ZNF3: variants seen among roughly 807,000 people sequenced by gnomAD.
The protein encoded by ZNF3 is zinc finger protein 3, also known as C2-H2 type zinc finger protein.
ZNF3 carries 16 observed loss-of-function variants against 36.9 expected under a neutral mutation model. The observed-to-expected ratio is 0.43, with a 90% CI of 0.29 to 0.66. The LOEUF (loss-of-function observed/expected upper bound fraction) is 0.66, where lower values mean the gene tolerates loss of function less well. Among genes scored for constraint, ZNF3 ranks in the 30% least tolerant of loss-of-function variants. ZNF3 has a pLI of 0.13. For missense variants in ZNF3, 462 were observed against 543.1 expected (o/e 0.85, Z 1.48); for synonymous variants, 201 against 201.9 (o/e 1.00, Z 0.04).
chr7:100,075,652 C>T, intron 3 of ZNF3, 22 bp from the exon 4 acceptor site: 2 of 1,612,028 alleles, frequency 1.2e-6, no homozygotes, highest in Middle Eastern at 3.3e-4. Context: ...TAAAAGGGCC[C>T]AGGAATGAGT....
At chr7:100,075,035 A>T (rs1793842962) in intron 5 of ZNF3, 100 bp downstream of exon 5, 1 of 1,468,660 alleles carries the variant, frequency 6.8e-7, no homozygotes, top group Admixed American at 2.3e-5. Flanking sequence ...TCAAAAAAAA[A>T]ATCTGCTGAA....
intron 2 of ZNF3, chr7:100,078,770 A>G (rs1275047424): frequency 6.6e-6 from 1 of 152,192 alleles, no homozygotes; most frequent in Non-Finnish European, 1.5e-5. Flanking sequence ...TTGCTCACAT[A>G]GCAAATGTTT....
chr7:100,082,301 C>G (rs1414492963), upstream of ZNF3: 1 of 152,202 alleles, frequency 6.6e-6, no homozygotes, highest in Non-Finnish European at 1.5e-5. Context: ...GGAAGCTTAC[C>G]GGCCGGGCGC....
At chr7:100,082,099 C>T (rs1446250099), upstream of ZNF3, among the ~76,000 whole-genome samples, 1 of 152,196 alleles carries the variant, frequency 6.6e-6, no homozygotes, top group African/African-American at 2.4e-5. Context: ...AGTAAACATA[C>T]AATTATTGAA....
downstream of ZNF3, among the ~76,000 whole-genome samples, chr7:100,068,000 T>A (rs914793924): frequency 6.6e-6 from 1 of 152,200 alleles, no homozygotes; most frequent in Non-Finnish European, 1.5e-5. Flanking sequence ...AAACATACTA[T>A]GAAACTGTAG....
At chr7:100,063,852 G>A, downstream of ZNF3, 2 of 1,614,092 alleles carry the variant, frequency 1.2e-6, no homozygotes, top group South Asian at 1.1e-5. Context: ...AAGCAGAGGG[G>A]CTCAAAGGGG....
downstream of ZNF3, chr7:100,065,107 A>G (rs2116191748): frequency 9.2e-6 from 8 of 868,406 alleles, no homozygotes; most frequent in South Asian, 1.5e-4. Flanking sequence ...GGAGAAAACT[A>G]TTCCTACTGG....
intron 3 of ZNF3, among the ~76,000 whole-genome samples, chr7:100,076,777 C>T (rs1308023216): frequency 6.6e-6 from 1 of 152,122 alleles, no homozygotes; most frequent in Non-Finnish European, 1.5e-5. Flanking sequence ...GCGTGAGGTA[C>T]TCACAACCCC....
At chr7:100,064,622 C>G in exon 6 of ZNF3, 1 of 1,611,888 alleles carries the variant, frequency 6.2e-7, no homozygotes. Context: ...CCGTAACTTT[C>G]AAGCGCTCCT....
At chr7:100,077,220 G>C (rs1214709746) in intron 3 of ZNF3, 83 bp downstream of exon 3, 1 of 1,548,694 alleles carries the variant, frequency 6.5e-7, no homozygotes, top group Middle Eastern at 1.7e-4. Flanking sequence ...CTAGTAGTTA[G>C]CCTAGTACCT....
chr7:100,074,850 A>G (rs1348639879), intron 5 of ZNF3, among the ~76,000 whole-genome samples: 1 of 152,114 alleles, frequency 6.6e-6, no homozygotes, highest in African/African-American at 2.4e-5. Flanking sequence ...CCTGGCCAAC[A>G]TGGTGAAACC....
At chr7:100,080,475 A>G (rs1368082765) in intron 1 of ZNF3, among the ~76,000 whole-genome samples, 2 of 151,986 alleles carry the variant, frequency 1.3e-5, no homozygotes, top group African/African-American at 4.8e-5. Context: ...GCCGGGGGCA[A>G]CAGAGCAAGA....
At chr7:100,065,831 G>T (rs1792623226), downstream of ZNF3, among the ~76,000 whole-genome samples, 2 of 148,846 alleles carry the variant, frequency 1.3e-5, no homozygotes, top group Non-Finnish European at 3.0e-5. Context: ...GTTCCCACTG[G>T]GCCCACTGAG....
chr7:100,073,334 T>G (rs897580390), intron 5 of ZNF3, among the ~76,000 whole-genome samples: 3 of 152,094 alleles, frequency 2.0e-5, no homozygotes, highest in African/African-American at 7.2e-5. Context: ...GAGAAACTAA[T>G]TTATTAATCT....
At chr7:100,078,279 G>A (rs927189611) in intron 2 of ZNF3, among the ~76,000 whole-genome samples, 3 of 149,262 alleles carry the variant, frequency 2.0e-5, no homozygotes, top group Non-Finnish European at 3.0e-5. Flanking sequence ...GGCAAATCAC[G>A]AGGTCAGGAG....
Position 100,071,122 on chromosome 7 carries a change from G to A in ZNF3, c.*21C>T, listed in dbSNP as rs749236898. Reference sequence around the variant, plus strand: ...GCTCTTGAGACTCAGGGAAAGTGAGGAAAATGGGTGTGTGGCTCTTTCACG... The same window carrying A: ...GCTCTTGAGACTCAGGGAAAGTGAGAAAAATGGGTGTGTGGCTCTTTCACG... On this transcript the variant is annotated 3_prime_UTR_variant, in exon 6 of 6. Transcript: ENST00000299667. 1.9e-6 allele frequency: 3 copies of A among 1,552,958 alleles called. No homozygotes were observed. The highest frequency in any genetic ancestry group is 2.7e-5 in the African/African-American group (2 of 72,930).
rs373675497 is a variant in ZNF3 at position 100,064,762 on chromosome 7, A to G, written c.*26T>C. ...GGGATGCCTGAGGAGTGCGAGCTCC[A>G]CAGCAACATGGCAGGCAGGAGGTCC... On this transcript the variant is annotated 3_prime_UTR_variant, in exon 6 of 6. Coordinates refer to the ZNF3 transcript ENST00000413658. 50 of 1,614,124 alleles carry G rather than the reference A, an allele frequency of 3.1e-5. No individual in the cohort carries two copies. In the African/African-American group the frequency reaches 6.3e-4, roughly 20 times the overall value.
rs1013148250 is a variant in ZNF3, at chr7:100,070,060, C to T, written c.*1083G>A. ...GGGAAAACACAATGGAAGGTCATCC[C>T]GTCGGTTGGGAAAACTCGGGGAGTG... is the stretch of plus-strand genomic sequence containing the variant. On this transcript the variant is annotated 3_prime_UTR_variant, in exon 6 of 6. Transcript: ENST00000299667. 3 of 985,704 alleles carry T rather than the reference C, an allele frequency of 3.0e-6. No individual in the cohort carries two copies. The highest frequency in any genetic ancestry group is 6.2e-5 in the Admixed American group (1 of 16,254). The allele number at this position is 985,704 out of a possible 1,614,324, so 61.1% of individuals were successfully genotyped here.
Position 100,071,196 on chromosome 7 carries a change from T to A in ZNF3, c.1288A>T (p.Ser430Cys). ...GEKPLNGIGM[S>C]KSSLRVTTEL... is the part of the protein sequence containing the mutation. ...GTCGTAACTCTGAGGGAGCTTTTGC[T>A]CATGCCGATCCCATTCAAAGGCTTC... is the stretch of plus-strand genomic sequence containing the variant. Residue 430 changes from serine (S) to cysteine (C), a missense_variant, in exon 6 of 6, where the codon AGC (serine) becomes TGC (cysteine). Ser to Cys is a moderately radical substitution (Grantham distance 112, BLOSUM62 -1). Coordinates refer to ENST00000299667, the MANE Select transcript of ZNF3 (RefSeq NM_032924.5). The A allele has an allele frequency of 6.2e-7, 1 of 1,612,090 alleles. No homozygotes were observed. Among genetic ancestry groups the A allele is most frequent in the Non-Finnish European group, 8.5e-7 (1 of 1,178,752 alleles).
Sources: allele counts gnomAD v4.1 joint callset (sites outside exome capture counted in the v4.1 genomes callset), GRCh38; gene constraint gnomAD v4.1.1; transcripts MANE v1.5; gene names NCBI Gene and HGNC (gene_info 2026-07-23, HGNC 2026-07-21).